ANKS3: variants seen among roughly 807,000 people sequenced by gnomAD.
ANKS3 encodes the protein ankyrin repeat and sterile alpha motif domain containing 3, also known as ankyrin repeat and SAM domain-containing protein 3.
A neutral mutation model predicts 80.7 loss-of-function variants in ANKS3; 62 were observed. The ratio of observed to expected loss-of-function variants is 0.77; its 90% CI spans 0.63 to 0.95. The LOEUF (loss-of-function observed/expected upper bound fraction) is 0.95. Ranked by LOEUF, ANKS3 falls within the 40% of genes least tolerant of loss-of-function variation. ANKS3 has a pLI of 0.00. For missense variants in ANKS3, 1,150 were observed against 883.6 expected, an observed-to-expected ratio of 1.30 and a Z score of -3.82; for synonymous variants, 489 against 355.3, an observed-to-expected ratio of 1.38 and a Z score of -4.23.
chr16:4,710,162 G>A (rs2080408140), intron 7 of ANKS3, among the ~76,000 whole-genome samples: 1 of 152,174 alleles, frequency 6.6e-6, no homozygotes, highest in African/African-American at 2.4e-5. Context: ...GTCAATAGGT[G>A]TAAAATTACA....
chr16:4,701,410 G>A (rs1343546879), intron 10 of ANKS3, 24 bp downstream of exon 10: 2 of 1,574,030 alleles, frequency 1.3e-6, no homozygotes, highest in Non-Finnish European at 1.7e-6. Flanking sequence ...GGCTATGGGA[G>A]ACCAAGAAAG....
intron 7 of ANKS3, among the ~76,000 whole-genome samples, chr16:4,711,119 T>TTC (rs2142075657): frequency 2.7e-5 from 4 of 147,312 alleles, no homozygotes; most frequent in Admixed American, 2.7e-4. Flanking sequence ...TTTTTTTTTT[T>TTC]TGAGACAGAG....
Position 4,727,210 on chromosome 16 carries a change from A to C in ANKS3, c.171-33T>G, listed in dbSNP as rs371526995. On this transcript the variant is annotated intron_variant, in intron 3 of 17. Transcript: ENST00000304283. ...AACGCAAGATATGCTAGACATGGCC[A>C]GCCGCCTCGCATGTGGGGTTCACCA... is the stretch of plus-strand genomic sequence containing the variant. The C allele has an allele frequency of 3.1e-6, 5 of 1,607,570 alleles. No homozygotes were observed. In the African/African-American group the frequency reaches 6.7e-5, roughly 21 times the overall value.
In ANKS3 at chr16:4,698,587, C is replaced by T; in HGVS notation, c.1564G>A (p.Val522Ile). 1 of 1,568,880 alleles carries T rather than the reference C, an allele frequency of 6.4e-7. No individual in the cohort carries two copies. The highest frequency in any genetic ancestry group is 8.6e-7 in the Non-Finnish European group (1 of 1,164,926). Reference sequence around the variant, plus strand: ...CACACCTGGCCCCGCGTGGCCTCTACCTCCTCGCAGCGCTGCAGGGGGGTG... The same window carrying T: ...CACACCTGGCCCCGCGTGGCCTCTATCTCCTCGCAGCGCTGCAGGGGGGTG... ...AIQLHKRCEE[V>I]EATRGQVCQE... Residue 522 changes from valine to isoleucine, a missense_variant, in exon 14 of 18, where the codon GTA becomes ATA. Val to Ile is a conservative substitution (Grantham distance 29). Coordinates refer to ENST00000304283, the MANE Select transcript of ANKS3 (RefSeq NM_133450.4).
intron 7 of ANKS3, among the ~76,000 whole-genome samples, chr16:4,707,112 G>C (rs557448506): frequency 2.0e-5 from 3 of 152,200 alleles, no homozygotes; most frequent in Admixed American, 6.5e-5. Flanking sequence ...AATGCAAAGA[G>C]GCAGCAATAA....
At position 4,697,286 on chromosome 16, in the gene ANKS3, C is replaced by T. The variant is rs771696992; in HGVS notation, c.1894+47G>A. 8 of 1,565,434 alleles carry T rather than the reference C, an allele frequency of 5.1e-6. No homozygotes were observed. In the South Asian group the frequency reaches 9.2e-5, roughly 18 times the overall value. On this transcript the variant is annotated intron_variant, in intron 16 of 17. Coordinates refer to ENST00000304283, the MANE Select transcript of ANKS3 (RefSeq NM_133450.4). Reference sequence around the variant, plus strand: ...CCTGGAAAGGGGTCCCTTTGCCTCCCTCGGAAACAAAAGGAGCGCTCAGTC... The same window carrying T: ...CCTGGAAAGGGGTCCCTTTGCCTCCTTCGGAAACAAAAGGAGCGCTCAGTC...
intron 3 of ANKS3, chr16:4,727,412 A>G (rs1424031157): frequency 1.7e-6 from 1 of 581,262 alleles, no homozygotes; most frequent in Non-Finnish European, 3.1e-6. Flanking sequence ...GCATCCTCCT[A>G]GCCCAAGGCC....
intron 11 of ANKS3, 89 bp from the exon 12 acceptor site, chr16:4,699,265 C>G: frequency 6.6e-7 from 1 of 1,515,904 alleles, no homozygotes; most frequent in South Asian, 1.2e-5. Flanking sequence ...ACCACTTCCC[C>G]AGGCTCAGAA....
intron 13 of ANKS3, 81 bp from the exon 14 acceptor site, chr16:4,698,680 T>G (rs1596343197): frequency 6.6e-7 from 1 of 1,525,896 alleles, no homozygotes; most frequent in East Asian, 2.3e-5. Context: ...GTCCTGTGTG[T>G]GGGGCCCTCT....
intron 7 of ANKS3, among the ~76,000 whole-genome samples, chr16:4,707,165 C>T (rs1323764802): frequency 1.3e-5 from 2 of 152,152 alleles, no homozygotes; most frequent in African/African-American, 4.8e-5. Context: ...CCCAACACAC[C>T]CTCAGAGCAG....
rs1567482233 is a variant in ANKS3 at position 4,734,160 on chromosome 16, G to A, written c.-293C>T. On this transcript the variant is annotated 5_prime_UTR_variant, in exon 1 of 18. Transcript: ENST00000304283. The stretch of plus-strand genomic sequence containing the variant: ...CCGGGCCGCCGCGGAACCCACCTGT[G>A]CTGGGCCTCAGGCCTTGCGCCGCCC... 4 of 423,810 alleles carry A rather than the reference G, an allele frequency of 9.4e-6. No individual in the cohort carries two copies. The highest frequency in any genetic ancestry group is 9.5e-6 in the Non-Finnish European group (3 of 316,642). 26.3% of individuals were successfully genotyped at this position (423,810 alleles called of 1,614,324 possible).
At chr16:4,721,304 C>G (rs908586758) in intron 6 of ANKS3, among the ~76,000 whole-genome samples, 1 of 75,308 alleles carries the variant, frequency 1.3e-5, no homozygotes, top group Non-Finnish European at 2.8e-5. Context: ...GACGCCATCT[C>G]AAAAAAAAAA....
chr16:4,720,360 G>A (rs1441190546), intron 6 of ANKS3, among the ~76,000 whole-genome samples: 1 of 150,652 alleles, frequency 6.6e-6, no homozygotes, highest in East Asian at 1.9e-4. Flanking sequence ...TACTCGGGAG[G>A]CTGAGGCAGG....
At chr16:4,699,373 T>C (rs1203116551) in intron 11 of ANKS3, 197 bp from the exon 12 acceptor site, 2 of 679,868 alleles carry the variant, frequency 2.9e-6, no homozygotes, top group Non-Finnish European at 4.9e-6. Flanking sequence ...CCTCACACTA[T>C]GGTCGGCCAC....
intron 10 of ANKS3, 136 bp from the exon 11 acceptor site, chr16:4,701,270 C>T (rs780701770): frequency 2.9e-5 from 42 of 1,443,178 alleles, no homozygotes; most frequent in Middle Eastern, 2.4e-4. Flanking sequence ...CCGGTGCGTT[C>T]GCTGTCGTCT....
intron 1 of ANKS3, among the ~76,000 whole-genome samples, chr16:4,732,736 G>C (rs1268272685): frequency 6.6e-6 from 1 of 151,176 alleles, no homozygotes; most frequent in Non-Finnish European, 1.5e-5. Context: ...CATCCCGAGT[G>C]GTGTGGTGTA....
At chr16:4,729,009 G>A (rs375169947) in intron 3 of ANKS3, among the ~76,000 whole-genome samples, 1 of 152,192 alleles carries the variant, frequency 6.6e-6, no homozygotes, top group East Asian at 1.9e-4. Context: ...CGCAGAGAGA[G>A]GAAGAGAGGT....
At chr16:4,726,164 G>C (rs1350017490) in intron 5 of ANKS3, among the ~76,000 whole-genome samples, 2 of 151,586 alleles carry the variant, frequency 1.3e-5, no homozygotes, top group African/African-American at 2.4e-5. Flanking sequence ...TTTTAGTAGA[G>C]ATGGGGTTTC....
intron 14 of ANKS3, 100 bp downstream of exon 14, chr16:4,698,327 C>T (rs2142019592): frequency 1.4e-6 from 2 of 1,407,548 alleles, no homozygotes; most frequent in East Asian, 2.6e-5. Context: ...CTGAAATCCA[C>T]CCCTCAGTTA....
Sources: gnomAD v4.1 joint callset for allele counts (sites outside exome capture counted in the v4.1 genomes callset) on GRCh38, gnomAD v4.1.1 for gene constraint, MANE v1.5 for transcripts, NCBI Gene and HGNC (gene_info 2026-07-23, HGNC 2026-07-21) for gene names.